Variants in CADPS observed in about 807,000 individuals in gnomAD.
CADPS encodes calcium-dependent secretion activator 1.
Under a neutral mutation model 167.3 loss-of-function variants are expected in CADPS, and 57 were observed. The ratio of observed to expected loss-of-function variants is 0.34; its 90% CI spans 0.28 to 0.42. The LOEUF (loss-of-function observed/expected upper bound fraction) is 0.42. Among genes scored for constraint, CADPS ranks in the 20% least tolerant of loss-of-function variants. The pLI is 1.00. For synonymous variants in CADPS, 676 were observed against 635.3 expected, an observed-to-expected ratio of 1.06 and a Z score of -0.96; for missense variants, 1,414 against 1,738.1, an observed-to-expected ratio of 0.81 and a Z score of 3.32.
intron 1 of CADPS, among the ~76,000 whole-genome samples, chr3:62,784,817 A>G (rs1018126074): frequency 3.3e-5 from 5 of 152,084 alleles, no homozygotes; most frequent in African/African-American, 1.2e-4. Context: ...CACAAGGGCC[A>G]TATCAATCCA....
intron 2 of CADPS, among the ~76,000 whole-genome samples, chr3:62,754,073 C>A (rs2083310076): frequency 6.6e-6 from 1 of 152,212 alleles, no homozygotes; most frequent in Non-Finnish European, 1.5e-5. Flanking sequence ...TGTGCCCGGG[C>A]TGCATAGGTT....
rs189038848 is a variant in CADPS, at chr3:62,704,256, G to A, written c.889-41862C>T. 5.0e-4 allele frequency among the ~76,000 whole-genome samples: 76 copies of A among 152,170 alleles called. 1 individual carries two copies. The highest frequency in any genetic ancestry group is 2.1e-3 in the Admixed American group (32 of 15,282). ...TTAATTGCACAGGGGCATTTCTCCTGGCCTGAATGACAGAAGGTAACTTCA... is the reference window on the plus strand; with the variant it reads ...TTAATTGCACAGGGGCATTTCTCCTAGCCTGAATGACAGAAGGTAACTTCA... On this transcript the variant is annotated intron_variant, in intron 3 of 29. Transcript: ENST00000383710.
At chr3:62,646,149 A>G (rs1268829399) in intron 5 of CADPS, among the ~76,000 whole-genome samples, 1 of 151,070 alleles carries the variant, frequency 6.6e-6, no homozygotes, top group East Asian at 1.9e-4. Context: ...CATTTCTACC[A>G]AGGAATTGGC....
chr3:62,809,901 A>G (rs962281652), intron 1 of CADPS, among the ~76,000 whole-genome samples: 5 of 152,192 alleles, frequency 3.3e-5, no homozygotes, highest in African/African-American at 9.6e-5. Flanking sequence ...ACATACAATT[A>G]CGTCTTAACA....
At chr3:62,606,919 C>A (rs946424917) in intron 6 of CADPS, among the ~76,000 whole-genome samples, 1 of 152,224 alleles carries the variant, frequency 6.6e-6, no homozygotes, top group African/African-American at 2.4e-5. Context: ...GAAAGCAGAG[C>A]CATTCAGCTG....
At chr3:62,470,746 A>G (rs998695686) in intron 24 of CADPS, 2 of 152,176 alleles carry the variant, frequency 1.3e-5, no homozygotes, top group African/African-American at 4.8e-5. Flanking sequence ...ATGGCTTGGG[A>G]AAAAAACCAA....
chr3:62,627,638 G>GA (rs1201313585), intron 6 of CADPS, among the ~76,000 whole-genome samples: 1 of 75,230 alleles, frequency 1.3e-5, no homozygotes, highest in Non-Finnish European at 3.5e-5. Flanking sequence ...TGGTAATACA[G>GA]AATTAAAAAA....
chr3:62,846,049 C>A (rs2077373671), intron 1 of CADPS, among the ~76,000 whole-genome samples: 3 of 98,558 alleles, frequency 3.0e-5, no homozygotes, highest in South Asian at 3.9e-4. Flanking sequence ...ATCATTTCCC[C>A]CTTTGCTCTC....
chr3:62,771,479 T>C (rs1201516539), intron 1 of CADPS, among the ~76,000 whole-genome samples: 2 of 152,180 alleles, frequency 1.3e-5, no homozygotes, highest in Admixed American at 6.6e-5. Context: ...AACTGACTTA[T>C]ATAGGATTGA....
rs573717795 is a variant in CADPS, at chr3:62,850,126, C to A, written c.441+24463G>T. On this transcript the variant is annotated intron_variant, in intron 1 of 29. Transcript: ENST00000383710. Reference sequence around the variant, plus strand: ...TTTCTGTGGGATCGGTGGTGGTATCCCCTTTATCATTTTTTATCGTGTCTA... The same window carrying A: ...TTTCTGTGGGATCGGTGGTGGTATCACCTTTATCATTTTTTATCGTGTCTA... 1.7e-5 allele frequency among the ~76,000 whole-genome samples: 2 copies of A among 115,942 alleles called. 1 individual carries two copies. Among genetic ancestry groups the A allele is most frequent in the South Asian group, 6.8e-4 (2 of 2,948 alleles). The allele number at this position is 115,942 out of a possible 152,430, so 76.1% of individuals were successfully genotyped here.
chr3:62,594,129 TA>T (rs2086704430), intron 6 of CADPS, among the ~76,000 whole-genome samples: 3 of 150,296 alleles, frequency 2.0e-5, no homozygotes, highest in Non-Finnish European at 4.4e-5. Context: ...TGATTTTTTT[TA>T]TTTTTTTTAT....
At position 62,830,893 on chromosome 3, in the gene CADPS, C is replaced by A. The variant is rs112553867; in HGVS notation, c.441+43696G>T. ...GATATGTAACATCCTCACATATCCT[C>A]ATGCAAATTGTGGACTTTGCCAACT... is the stretch of plus-strand genomic sequence containing the variant. On this transcript the variant is annotated intron_variant, in intron 1 of 29. Coordinates refer to ENST00000383710, the MANE Select transcript of CADPS (RefSeq NM_003716.4). Among the ~76,000 whole-genome samples the A allele has an allele frequency of 1.1e-3, 171 of 152,266 alleles. 3 individuals carry two copies. Among genetic ancestry groups the A allele is most frequent in the African/African-American group, 3.9e-3 (164 of 41,558 alleles).
At chr3:62,822,841 C>T (rs773561391) in intron 1 of CADPS, among the ~76,000 whole-genome samples, 67 of 150,488 alleles carry the variant, frequency 4.5e-4, no homozygotes, top group Non-Finnish European at 8.1e-4. Flanking sequence ...GACTCCATCT[C>T]AAAAAAATAA....
intron 28 of CADPS, among the ~76,000 whole-genome samples, chr3:62,434,552 G>A (rs1008864317): frequency 2.0e-5 from 3 of 152,010 alleles, no homozygotes. Context: ...AAAAAAAATC[G>A]GTGAGGATGA....
Position 62,438,516 on chromosome 3 carries a change from C to A in CADPS, c.3670-305G>T. ...TAATGGATAAATCTTTACTGCATAA[C>A]CCATAGATGTTCTCTGACTTTGCCT... On this transcript the variant is annotated intron_variant, in intron 27 of 29. Coordinates refer to ENST00000383710, the MANE Select transcript of CADPS (RefSeq NM_003716.4). This position sits in a 1 kb window ranked among gnomAD's most constrained non-coding sequence, Gnocchi z 4.7. 3.6e-6 allele frequency: 1 copy of A among 281,562 alleles called. No individual in the cohort carries two copies. Among genetic ancestry groups the A allele is most frequent in the Non-Finnish European group, 6.7e-6 (1 of 148,540 alleles). The allele number at this position is 281,562 out of a possible 1,614,324, so 17.4% of individuals were successfully genotyped here. A position where few individuals can be genotyped will look rare whatever the true frequency, so the allele number is the denominator to read the frequency against.
intron 9 of CADPS, among the ~76,000 whole-genome samples, chr3:62,565,156 C>G (rs1006343422): frequency 2.0e-5 from 3 of 152,026 alleles, no homozygotes; most frequent in Non-Finnish European, 4.4e-5. Flanking sequence ...ACCATGGACC[C>G]GAGGGTTTAG....
chr3:62,808,917 T>C (rs1328899645), intron 1 of CADPS, among the ~76,000 whole-genome samples: 2 of 152,044 alleles, frequency 1.3e-5, no homozygotes, highest in East Asian at 3.9e-4. Flanking sequence ...CTCTTCCTCC[T>C]CCAACTCTTC....
intron 17 of CADPS, among the ~76,000 whole-genome samples, chr3:62,510,332 T>C (rs760464455): frequency 2.0e-5 from 3 of 152,170 alleles, no homozygotes; most frequent in Non-Finnish European, 4.4e-5. Flanking sequence ...GAAAAAGTTG[T>C]TTTATTTCAA....
chr3:62,654,513 T>C (rs1469982166), intron 4 of CADPS, among the ~76,000 whole-genome samples: 1 of 152,126 alleles, frequency 6.6e-6, no homozygotes, highest in East Asian at 1.9e-4. Flanking sequence ...TAGGCAACCA[T>C]GAATCCAAGA....
Sources: allele counts gnomAD v4.1 joint callset (sites outside exome capture counted in the v4.1 genomes callset), GRCh38; gene constraint gnomAD v4.1.1; non-coding constraint Gnocchi (gnomAD v3.1); transcripts MANE v1.5; gene names NCBI Gene and HGNC (gene_info 2026-07-23, HGNC 2026-07-21).